Variants in SLC24A2 observed in about 807,000 individuals in gnomAD.
The protein encoded by SLC24A2 is sodium/potassium/calcium exchanger 2.
Under a neutral mutation model 62.0 loss-of-function variants are expected in SLC24A2, and 36 were observed. The observed-to-expected ratio is 0.58, with a 90% CI of 0.44 to 0.77. SLC24A2 has a LOEUF of 0.77. Among genes scored for constraint, SLC24A2 ranks in the 30% least tolerant of loss-of-function variants. The pLI is 0.00. For missense variants in SLC24A2, 846 were observed against 817.9 expected, an observed-to-expected ratio of 1.03 and a Z score of -0.42; for synonymous variants, 358 against 294.0, an observed-to-expected ratio of 1.22 and a Z score of -2.23.
chr9:20,269,276 T>A, the SLC24A2 span, among the ~76,000 whole-genome samples: 1 of 152,180 alleles, frequency 6.6e-6, no homozygotes, highest in Non-Finnish European at 1.5e-5. Flanking sequence ...CAGGTGTTTT[T>A]ATCCCTGTTG....
intron 2 of SLC24A2, among the ~76,000 whole-genome samples, chr9:19,761,142 T>C (rs1480548203): frequency 6.6e-6 from 1 of 152,178 alleles, no homozygotes; most frequent in Non-Finnish European, 1.5e-5. Flanking sequence ...GTCTTTATAG[T>C]AGAATGATTT....
chr9:20,227,814 A>G, the SLC24A2 span, among the ~76,000 whole-genome samples: 2 of 152,140 alleles, frequency 1.3e-5, no homozygotes, highest in East Asian at 1.9e-4. Flanking sequence ...TCACATACAC[A>G]CACATCTCCC....
the SLC24A2 span, among the ~76,000 whole-genome samples, chr9:20,091,561 G>GA: frequency 1.2e-4 from 17 of 146,516 alleles, no homozygotes; most frequent in East Asian, 7.9e-4. Flanking sequence ...ATTCTTGAAG[G>GA]AAAAAAAAAA....
At chr9:19,532,426 T>C (rs561187754) in intron 8 of SLC24A2, among the ~76,000 whole-genome samples, 1 of 152,294 alleles carries the variant, frequency 6.6e-6, no homozygotes, top group Admixed American at 6.5e-5. Flanking sequence ...TCTAAATTAT[T>C]TGAGGCCGAA....
chr9:20,275,760 G>A, the SLC24A2 span, among the ~76,000 whole-genome samples: 2 of 152,164 alleles, frequency 1.3e-5, no homozygotes, highest in Admixed American at 6.5e-5. Flanking sequence ...GAGGTTTAAT[G>A]AACTCACAAT....
intron 2 of SLC24A2, among the ~76,000 whole-genome samples, chr9:19,780,817 G>C (rs1367496660): frequency 3.4e-5 from 5 of 145,686 alleles, no homozygotes; most frequent in Non-Finnish European, 7.4e-5. Context: ...AGCCTGCAGC[G>C]AGCCGAGATC....
chr9:20,045,793 T>C, the SLC24A2 span, among the ~76,000 whole-genome samples: 1 of 152,280 alleles, frequency 6.6e-6, no homozygotes, highest in Middle Eastern at 3.4e-3. Flanking sequence ...GCTTATATCA[T>C]TCTCACAATG....
chr9:19,584,295 A>G (rs996842568), intron 5 of SLC24A2, among the ~76,000 whole-genome samples: 7 of 98,562 alleles, frequency 7.1e-5, no homozygotes, highest in African/African-American at 2.6e-4. Flanking sequence ...AAAAAAAAAC[A>G]AACAAAAAAC....
At chr9:19,574,953 T>C (rs1835963566) in intron 6 of SLC24A2, among the ~76,000 whole-genome samples, 1 of 152,148 alleles carries the variant, frequency 6.6e-6, no homozygotes, top group African/African-American at 2.4e-5. Flanking sequence ...TCATCAAACA[T>C]AAGAATGTGC....
intron 2 of SLC24A2, 136 bp downstream of exon 2, chr9:19,785,801 A>G: frequency 1.7e-6 from 2 of 1,156,106 alleles, no homozygotes; most frequent in East Asian, 4.9e-5. Context: ...TCTAGCTATC[A>G]CAGAACTGCA....
the SLC24A2 span, among the ~76,000 whole-genome samples, chr9:19,925,374 T>C: frequency 6.6e-6 from 1 of 152,364 alleles, no homozygotes; most frequent in South Asian, 2.1e-4. Flanking sequence ...GATCTTTTTG[T>C]CATCTCTTAG....
At chr9:19,681,875 C>T (rs77507978) in intron 2 of SLC24A2, among the ~76,000 whole-genome samples, 9 of 152,104 alleles carry the variant, frequency 5.9e-5, no homozygotes, top group Non-Finnish European at 1.0e-4. Context: ...ATTCAATTAA[C>T]CTTTATCTAA....
chr9:20,219,693 T>C, the SLC24A2 span, among the ~76,000 whole-genome samples: 3 of 152,180 alleles, frequency 2.0e-5, no homozygotes, highest in Non-Finnish European at 4.4e-5. Context: ...CTGTTCTGCA[T>C]CTGTGTGGCC....
At chr9:19,970,192 G>C in the SLC24A2 span, among the ~76,000 whole-genome samples, 1 of 152,164 alleles carries the variant, frequency 6.6e-6, no homozygotes, top group African/African-American at 2.4e-5. Context: ...AGGTGAATGA[G>C]GAGGTTCTGA....
intron 8 of SLC24A2, among the ~76,000 whole-genome samples, chr9:19,549,833 G>C (rs1415376468): frequency 6.6e-6 from 1 of 152,178 alleles, no homozygotes; most frequent in South Asian, 2.1e-4. Flanking sequence ...AGACTAAAAG[G>C]ATGGTTGTTT....
chr9:19,858,543 C>G, the SLC24A2 span, among the ~76,000 whole-genome samples: 1 of 152,124 alleles, frequency 6.6e-6, no homozygotes, highest in African/African-American at 2.4e-5. Flanking sequence ...AATAAACTGT[C>G]AACTGAATAA....
the SLC24A2 span, among the ~76,000 whole-genome samples, chr9:19,991,874 T>A: frequency 1.3e-5 from 2 of 152,110 alleles, no homozygotes; most frequent in South Asian, 4.2e-4. Context: ...AACTGAGTCT[T>A]GACAGTGGAG....
the SLC24A2 span, among the ~76,000 whole-genome samples, chr9:20,001,973 T>C: frequency 6.6e-6 from 1 of 152,174 alleles, no homozygotes; most frequent in African/African-American, 2.4e-5. Context: ...TTTATGTGAG[T>C]TTAATACAGC....
chr9:20,262,294 T>C, the SLC24A2 span, among the ~76,000 whole-genome samples: 5 of 152,238 alleles, frequency 3.3e-5, no homozygotes, highest in Admixed American at 1.3e-4. Context: ...GTCCTACCTA[T>C]GTGACCCTGG....
Sources: allele counts gnomAD v4.1 joint callset (sites outside exome capture counted in the v4.1 genomes callset), GRCh38; gene constraint gnomAD v4.1.1; transcripts MANE v1.5; gene names NCBI Gene and HGNC (gene_info 2026-07-23, HGNC 2026-07-21).